Variants in DIS3L2 observed in about 807,000 individuals in gnomAD.
DIS3L2 encodes DIS3 like 3'-5' exoribonuclease 2.
In DIS3L2, 34 loss-of-function variants were observed where a neutral mutation model predicts 97.5. The observed-to-expected ratio is 0.35, with a 90% confidence interval of 0.27 to 0.46. The LOEUF (loss-of-function observed/expected upper bound fraction) is 0.46. DIS3L2 is among the 20% of genes least tolerant of loss of function. The pLI is 1.00. For missense variants in DIS3L2, 1,038 were observed against 1,146.0 expected, an observed-to-expected ratio of 0.91 and a Z score of 1.36; for synonymous variants, 435 against 445.2, an observed-to-expected ratio of 0.98 and a Z score of 0.29.
intron 13 of DIS3L2, among the ~76,000 whole-genome samples, chr2:232,284,495 G>T (rs1694375763): frequency 6.6e-6 from 1 of 152,166 alleles, no homozygotes; most frequent in South Asian, 2.1e-4. Flanking sequence ...TCCCAACTTT[G>T]CAGTCAGACC....
At chr2:232,146,268 T>A (rs1690215065) in intron 8 of DIS3L2, among the ~76,000 whole-genome samples, 1 of 152,138 alleles carries the variant, frequency 6.6e-6, no homozygotes, top group Admixed American at 6.5e-5. Context: ...GTACTAAGAT[T>A]TTATTTTTGG....
intron 5 of DIS3L2, among the ~76,000 whole-genome samples, chr2:232,077,982 TTTC>T (rs1696258226): frequency 7.0e-6 from 1 of 141,908 alleles, no homozygotes; most frequent in African/African-American, 2.7e-5. Flanking sequence ...TCTTTCTTTC[TTTC>T]TTTCTTTCTT....
At chr2:232,273,227 C>T (rs1428825370) in intron 13 of DIS3L2, among the ~76,000 whole-genome samples, 2 of 152,172 alleles carry the variant, frequency 1.3e-5, no homozygotes, top group African/African-American at 2.4e-5. Context: ...CTTTATCACA[C>T]TGTCACATTG....
At position 232,292,163 on chromosome 2, in the gene DIS3L2, T is replaced by G. The variant is rs1000965125; in HGVS notation, c.1660-7877T>G. Among the ~76,000 whole-genome samples, 6 of 152,212 alleles carry G rather than the reference T, an allele frequency of 3.9e-5. No individual in the cohort carries two copies. The highest frequency in any genetic ancestry group is 1.4e-4 in the African/African-American group (6 of 41,458). On this transcript the variant is annotated intron_variant, in intron 13 of 20. Coordinates refer to ENST00000325385, the MANE Select transcript of DIS3L2 (RefSeq NM_152383.5). This position sits in a 1 kb window ranked among gnomAD's most constrained non-coding sequence, Gnocchi z 4.4. ...CTTATGAATGTAGCCTGGCCCACTG[T>G]CTTCACCAGGCTGGGATCCAAAATA...
intron 9 of DIS3L2, among the ~76,000 whole-genome samples, chr2:232,193,851 C>T (rs1037414162): frequency 4.6e-5 from 7 of 152,208 alleles, no homozygotes; most frequent in Admixed American, 6.5e-5. Flanking sequence ...CAATTCACGG[C>T]GAGGCCCAGC....
intron 13 of DIS3L2, among the ~76,000 whole-genome samples, chr2:232,288,598 A>G (rs1030413289): frequency 6.6e-6 from 1 of 151,806 alleles, no homozygotes; most frequent in African/African-American, 2.4e-5. Flanking sequence ...TAACTCCCCG[A>G]CTCCTCAAGT....
At chr2:232,248,527 T>A (rs908343137) in intron 11 of DIS3L2, among the ~76,000 whole-genome samples, 2 of 152,242 alleles carry the variant, frequency 1.3e-5, no homozygotes, top group African/African-American at 4.8e-5. Context: ...TTGGGACAAC[T>A]GCAAGTCATC....
intron 10 of DIS3L2, among the ~76,000 whole-genome samples, chr2:232,236,459 G>A (rs1245361968): frequency 6.6e-6 from 1 of 152,128 alleles, no homozygotes; most frequent in African/African-American, 2.4e-5. Flanking sequence ...CTAGTTTCAG[G>A]CTCAGCTGGA....
rs749635236 is a variant in DIS3L2, at chr2:232,336,434, C to T, written c.2497-35C>T. ...AGCTGCGCCTCGACATCAGGCCCTG[C>T]CATCCTTGTCCCCTCACGGCTGGGC... On this transcript the variant is annotated intron_variant, in intron 20 of 20. Transcript: ENST00000325385. 93 of 1,595,310 alleles carry T rather than the reference C, an allele frequency of 5.8e-5. 1 individual carries two copies. The South Asian group carries it at 9.2e-4, about 16-fold the overall frequency.
chr2:232,203,179 T>C (rs1057465341), intron 9 of DIS3L2, among the ~76,000 whole-genome samples: 1 of 152,248 alleles, frequency 6.6e-6, no homozygotes, highest in Admixed American at 6.5e-5. Context: ...TTTTATTCTT[T>C]ATCCACTTAA....
intron 6 of DIS3L2, among the ~76,000 whole-genome samples, chr2:232,115,481 G>A (rs1310895975): frequency 1.3e-5 from 2 of 152,184 alleles, no homozygotes; most frequent in African/African-American, 4.8e-5. Context: ...CACGTGGGAT[G>A]TTTTATGTCT....
intron 10 of DIS3L2, among the ~76,000 whole-genome samples, chr2:232,215,436 G>T (rs942838519): frequency 1.3e-5 from 2 of 152,178 alleles, no homozygotes; most frequent in African/African-American, 4.8e-5. Flanking sequence ...GGGGCCTCTG[G>T]GGTGGACATT....
At chr2:232,216,060 T>C (rs1272915367) in intron 10 of DIS3L2, among the ~76,000 whole-genome samples, 1 of 152,234 alleles carries the variant, frequency 6.6e-6, no homozygotes, top group Non-Finnish European at 1.5e-5. Context: ...AAAACCTTCC[T>C]GTACTCTGCT....
At chr2:232,199,420 C>G (rs1425232933) in intron 9 of DIS3L2, among the ~76,000 whole-genome samples, 1 of 152,088 alleles carries the variant, frequency 6.6e-6, no homozygotes, top group East Asian at 1.9e-4. Context: ...TAATTATTGC[C>G]TAATGATGCA....
At chr2:232,035,014 A>C (rs1310420467) in intron 5 of DIS3L2, among the ~76,000 whole-genome samples, 1 of 152,050 alleles carries the variant, frequency 6.6e-6, no homozygotes, top group Non-Finnish European at 1.5e-5. Context: ...TCAAGTCCTG[A>C]ATATCCTTGT....
chr2:232,312,624 C>T (rs1257836960), intron 14 of DIS3L2, among the ~76,000 whole-genome samples: 1 of 152,188 alleles, frequency 6.6e-6, no homozygotes, highest in African/African-American at 2.4e-5. Context: ...TTGTCAGTTG[C>T]CACATACATG....
chr2:232,070,087 A>G (rs530504819), intron 5 of DIS3L2, among the ~76,000 whole-genome samples: 11 of 152,232 alleles, frequency 7.2e-5, no homozygotes, highest in African/African-American at 1.4e-4. Context: ...GTATATCTAT[A>G]TACATGTATA....
intron 12 of DIS3L2, among the ~76,000 whole-genome samples, chr2:232,254,966 G>C (rs147542957): frequency 6.6e-6 from 1 of 152,192 alleles, no homozygotes; most frequent in African/African-American, 2.4e-5. Context: ...CAGACCAAGC[G>C]ACCACATGAG....
chr2:232,030,074 T>C lies in DIS3L2; in HGVS notation c.360T>C (p.His120=), dbSNP rs748055073. The change falls in exon 5 of 21, where the codon CAT becomes CAC. Residue 120 remains histidine, a synonymous_variant. Coordinates refer to ENST00000325385, the MANE Select transcript of DIS3L2 (RefSeq NM_152383.5). ...TCGTGAAACTGCTTCCCGAGGAGCA[T>C]TGGAAGGTGAGTTAAGTTTTCCCTT... is the stretch of plus-strand genomic sequence containing the variant. ...LVVVKLLPEE[H]WKVVKPESND... is the part of the protein sequence containing the mutation. The C allele has an allele frequency of 4.4e-5, 71 of 1,611,306 alleles. 3 individuals are homozygous for C. The highest frequency in any genetic ancestry group is 1.7e-4 in the South Asian group (15 of 90,428).
Sources: allele counts gnomAD v4.1 joint callset (sites outside exome capture counted in the v4.1 genomes callset), GRCh38; gene constraint gnomAD v4.1.1; non-coding constraint Gnocchi (gnomAD v3.1); transcripts MANE v1.5; gene names NCBI Gene and HGNC (gene_info 2026-07-23, HGNC 2026-07-21).